Variants in GRM8 observed in about 807,000 individuals in gnomAD.
The protein encoded by GRM8 is glutamate metabotropic receptor 8, also known as metabotropic glutamate receptor 8.
Under a neutral mutation model 87.2 loss-of-function variants are expected in GRM8, and 47 were observed. That is an observed-to-expected ratio of 0.54 (90% confidence interval 0.43 to 0.69). GRM8 has a LOEUF of 0.69. Among genes scored for constraint, GRM8 ranks in the 30% least tolerant of loss-of-function variants. GRM8 has a pLI of 0.00. For synonymous variants in GRM8, 396 were observed against 404.5 expected (o/e 0.98, Z 0.25); for missense variants, 1,019 against 1,139.2 (o/e 0.89, Z 1.52).
chr7:127,192,783 G>A (rs1184003550), intron 2 of GRM8, among the ~76,000 whole-genome samples: 4 of 152,148 alleles, frequency 2.6e-5, no homozygotes, highest in Non-Finnish European at 5.9e-5. Flanking sequence ...TGTTGGCGAA[G>A]AGATATCAAG....
chr7:126,630,136 G>A (rs60739400), intron 7 of GRM8, among the ~76,000 whole-genome samples: 45,947 of 150,294 alleles, frequency 0.31, 7,808 homozygotes, highest in East Asian at 0.43. Context: ...CACCAAATAA[G>A]AAAAAAACAA....
intron 6 of GRM8, among the ~76,000 whole-genome samples, chr7:126,890,514 T>G (rs1336202359): frequency 1.3e-5 from 2 of 152,060 alleles, no homozygotes; most frequent in Non-Finnish European, 2.9e-5. Context: ...GTTGCACAAG[T>G]CAATATTATT....
intron 3 of GRM8, among the ~76,000 whole-genome samples, chr7:126,913,133 A>G (rs1408352174): frequency 6.6e-6 from 1 of 152,264 alleles, no homozygotes; most frequent in Non-Finnish European, 1.5e-5. Flanking sequence ...ACCAAGTTCC[A>G]ACTGTGATGG....
intron 2 of GRM8, among the ~76,000 whole-genome samples, chr7:127,230,380 C>T (rs962436044): frequency 9.2e-5 from 14 of 151,966 alleles, no homozygotes; most frequent in Non-Finnish European, 1.5e-4. Flanking sequence ...TCCACCCCCA[C>T]ATAGCTGAAC....
intron 3 of GRM8, among the ~76,000 whole-genome samples, chr7:127,072,969 C>T (rs567755817): frequency 7.3e-6 from 1 of 137,706 alleles, no homozygotes; most frequent in South Asian, 2.4e-4. Context: ...AAAAGGCCAT[C>T]CTCGCTTCCT....
intron 9 of GRM8, among the ~76,000 whole-genome samples, chr7:126,524,380 T>C (rs956767677): frequency 6.6e-6 from 1 of 152,242 alleles, no homozygotes; most frequent in Non-Finnish European, 1.5e-5. Flanking sequence ...AGAAAGACTT[T>C]GCTCAATTCT....
intron 3 of GRM8, among the ~76,000 whole-genome samples, chr7:127,014,776 A>T (rs182335745): frequency 1.7e-4 from 26 of 151,938 alleles, no homozygotes; most frequent in African/African-American, 6.3e-4. Flanking sequence ...AGATGGTTCT[A>T]AATTGGCTAG....
intron 7 of GRM8, among the ~76,000 whole-genome samples, chr7:126,641,582 C>G (rs1438726542): frequency 2.0e-5 from 3 of 152,310 alleles, no homozygotes; most frequent in Admixed American, 6.5e-5. Context: ...TTTGTTCCAG[C>G]TACCATATGG....
chr7:127,172,073 A>AT (rs1384677847), intron 2 of GRM8, among the ~76,000 whole-genome samples: 1 of 152,160 alleles, frequency 6.6e-6, no homozygotes, highest in African/African-American at 2.4e-5. Flanking sequence ...GATTAATGGA[A>AT]TTTTTGTTTT....
chr7:126,991,473 A>C (rs1435794814), intron 3 of GRM8, among the ~76,000 whole-genome samples: 2 of 152,188 alleles, frequency 1.3e-5, no homozygotes, highest in Non-Finnish European at 2.9e-5. Flanking sequence ...TATTTACACA[A>C]ATTAATTACT....
chr7:127,085,560 GTGA>G (rs1823382610), intron 3 of GRM8, among the ~76,000 whole-genome samples: 4 of 152,314 alleles, frequency 2.6e-5, no homozygotes, highest in South Asian at 4.1e-4. Flanking sequence ...CTGATGACCA[GTGA>G]TGATGAGCAT....
intron 2 of GRM8, among the ~76,000 whole-genome samples, chr7:127,192,847 T>C (rs548593766): frequency 6.6e-6 from 1 of 152,314 alleles, no homozygotes; most frequent in Non-Finnish European, 1.5e-5. Context: ...ACTTTCTGTA[T>C]GCACACTCTG....
At chr7:126,805,969 T>C (rs1371495593) in intron 6 of GRM8, among the ~76,000 whole-genome samples, 7 of 152,076 alleles carry the variant, frequency 4.6e-5, no homozygotes, top group Non-Finnish European at 1.5e-5. Flanking sequence ...TTTTCTATTC[T>C]ATTTTGTTTT....
intron 8 of GRM8, among the ~76,000 whole-genome samples, chr7:126,537,128 A>G (rs2150878318): frequency 6.6e-6 from 1 of 152,350 alleles, no homozygotes; most frequent in East Asian, 1.9e-4. Flanking sequence ...TTAAAAATAA[A>G]GTTGTAAGAA....
At chr7:127,143,375 T>C (rs760419082) in intron 2 of GRM8, among the ~76,000 whole-genome samples, 2 of 152,164 alleles carry the variant, frequency 1.3e-5, no homozygotes, top group Non-Finnish European at 2.9e-5. Flanking sequence ...ACCTCTGTTG[T>C]TACTAAATCT....
At chr7:126,978,515 T>C (rs1233679565) in intron 3 of GRM8, among the ~76,000 whole-genome samples, 2 of 152,196 alleles carry the variant, frequency 1.3e-5, no homozygotes, top group African/African-American at 4.8e-5. Flanking sequence ...TGGTTACAAG[T>C]AGGACAGATG....
At position 127,091,445 on chromosome 7, in the gene GRM8, TCCCAC is replaced by T. The variant is rs1306777605; in HGVS notation, c.727+15046_727+15050del. 2.5e-3 allele frequency among the ~76,000 whole-genome samples: 106 copies of T among 42,078 alleles called. 3 individuals are homozygous for T. Among genetic ancestry groups the T allele is most frequent in the African/African-American group, 9.6e-3 (92 of 9,608 alleles). The allele number at this position is 42,078 out of a possible 152,430, so 27.6% of individuals were successfully genotyped here. Reference sequence around the variant, plus strand: ...ATGACTGGTCATCCCCCCACCACCATCCCACTGGTCATCCCCCCCACCACCATCCC... The same window carrying T: ...ATGACTGGTCATCCCCCCACCACCATTGGTCATCCCCCCCACCACCATCCC... On this transcript the variant is annotated intron_variant, in intron 3 of 10. Transcript: ENST00000339582.
chr7:127,028,876 A>G (rs1817075593), intron 3 of GRM8, among the ~76,000 whole-genome samples: 1 of 151,898 alleles, frequency 6.6e-6, no homozygotes, highest in Non-Finnish European at 1.5e-5. Context: ...GTCTTCTGCT[A>G]GCTTTTGAAT....
At chr7:126,567,292 C>T (rs1483849548) in intron 8 of GRM8, among the ~76,000 whole-genome samples, 1 of 151,036 alleles carries the variant, frequency 6.6e-6, no homozygotes, top group African/African-American at 2.4e-5. Flanking sequence ...TCATTCTCAG[C>T]AAACTATCAC....
Sources: allele counts gnomAD v4.1 joint callset (sites outside exome capture counted in the v4.1 genomes callset), GRCh38; gene constraint gnomAD v4.1.1; transcripts MANE v1.5; gene names NCBI Gene and HGNC (gene_info 2026-07-23, HGNC 2026-07-21).